MYO1D: variants seen among roughly 807,000 people sequenced by gnomAD.
MYO1D encodes the protein unconventional myosin-Id.
Under a neutral mutation model 122.0 loss-of-function variants are expected in MYO1D, and 83 were observed. That is an observed-to-expected ratio of 0.68 (90% confidence interval 0.57 to 0.82). MYO1D has a LOEUF of 0.82. Among genes scored for constraint, MYO1D ranks in the 40% least tolerant of loss-of-function variants. The pLI is 0.00. For synonymous variants in MYO1D, 464 were observed against 446.9 expected (o/e 1.04, Z -0.48); for missense variants, 1,157 against 1,269.5 (o/e 0.91, Z 1.35).
chr17:32,523,790 C>CCAA (rs764022818), intron 21 of MYO1D, among the ~76,000 whole-genome samples: 1 of 91,668 alleles, frequency 1.1e-5, no homozygotes, highest in African/African-American at 4.4e-5. Context: ...GACCCTGTCT[C>CCAA]AAAAAAAAAA....
intron 21 of MYO1D, among the ~76,000 whole-genome samples, chr17:32,590,185 G>A (rs545019700): frequency 6.6e-6 from 1 of 152,192 alleles, no homozygotes; most frequent in African/African-American, 2.4e-5. Flanking sequence ...TATTTTTCCA[G>A]TCTCATTTCT....
chr17:32,504,645 T>C (rs1909433452), intron 21 of MYO1D: 1 of 152,288 alleles, frequency 6.6e-6, no homozygotes, highest in African/African-American at 2.4e-5. Flanking sequence ...TTTCATTTTA[T>C]ACATTATTTC....
rs1260125579 is a variant in MYO1D at position 32,603,804 on chromosome 17, C to G, written c.2864+1283G>C. 2.6e-5 allele frequency among the ~76,000 whole-genome samples: 4 copies of G among 152,214 alleles called. No homozygotes were observed. The East Asian group carries it at 7.7e-4, about 29-fold the overall frequency. ...CCTCCCAAAGTGCTGGGATTACAGG[C>G]GTGAGCCACTGCGCCTGGCCACATT... is the stretch of plus-strand genomic sequence containing the variant. On this transcript the variant is annotated intron_variant, in intron 21 of 21. Coordinates refer to ENST00000318217, the MANE Select transcript of MYO1D (RefSeq NM_015194.3).
intron 1 of MYO1D, among the ~76,000 whole-genome samples, chr17:32,812,671 T>C (rs2090582315): frequency 6.6e-6 from 1 of 152,062 alleles, no homozygotes; most frequent in Admixed American, 6.5e-5. Flanking sequence ...GCCTGTGGGG[T>C]TCTGGGTAGG....
chr17:32,560,838 T>C (rs186116614), intron 21 of MYO1D, among the ~76,000 whole-genome samples: 8 of 151,562 alleles, frequency 5.3e-5, no homozygotes, highest in Admixed American at 3.3e-4. Flanking sequence ...CAGGCTGGTT[T>C]CAAATTCCCG....
chr17:32,549,633 G>T (rs1317402607), intron 21 of MYO1D, among the ~76,000 whole-genome samples: 1 of 152,144 alleles, frequency 6.6e-6, no homozygotes, highest in Non-Finnish European at 1.5e-5. Flanking sequence ...TGCTAGGAGG[G>T]TTACACTCAT....
chr17:32,753,084 T>C (rs1369748899), intron 11 of MYO1D, among the ~76,000 whole-genome samples: 2 of 152,228 alleles, frequency 1.3e-5, no homozygotes, highest in Admixed American at 6.5e-5. Context: ...AATGGAATAC[T>C]ATGCAGCCAT....
At chr17:32,639,120 A>T (rs1297074146) in intron 19 of MYO1D, among the ~76,000 whole-genome samples, 1 of 152,186 alleles carries the variant, frequency 6.6e-6, no homozygotes, top group Admixed American at 6.5e-5. Flanking sequence ...AGAATGGGAG[A>T]AAAACTTTGA....
intron 17 of MYO1D, among the ~76,000 whole-genome samples, chr17:32,656,089 C>T (rs563495763): frequency 1.2e-4 from 18 of 152,136 alleles, no homozygotes; most frequent in African/African-American, 4.1e-4. Context: ...ATGCGCTTGG[C>T]GGCACCCTAG....
At chr17:32,695,251 C>A (rs115249906) in intron 16 of MYO1D, among the ~76,000 whole-genome samples, 1 of 152,190 alleles carries the variant, frequency 6.6e-6, no homozygotes, top group Non-Finnish European at 1.5e-5. Flanking sequence ...CCCTTGCATG[C>A]GCAGTTCACC....
In MYO1D at chr17:32,857,288, C is replaced by T. The variant is rs202222233; in HGVS notation, c.95+19490G>A. 1.9e-4 allele frequency among the ~76,000 whole-genome samples: 29 copies of T among 152,206 alleles called. 1 individual carries two copies. In the East Asian group the frequency reaches 4.6e-3, roughly 24 times the overall value. ...GTAATGAATTTAAGGCAGAGCTAAT[C>T]CTTTAAGAATCCTTTGGCCGGGCAC... On this transcript the variant is annotated intron_variant, in intron 1 of 21. Transcript: ENST00000318217.
intron 16 of MYO1D, among the ~76,000 whole-genome samples, chr17:32,702,895 C>T (rs2089265412): frequency 6.6e-6 from 1 of 152,128 alleles, no homozygotes; most frequent in South Asian, 2.1e-4. Context: ...AAACTCATAG[C>T]ATGGAACATG....
chr17:32,565,344 A>G (rs2087162932), intron 21 of MYO1D, among the ~76,000 whole-genome samples: 3 of 152,172 alleles, frequency 2.0e-5, no homozygotes. Context: ...CTCCTTTAAG[A>G]TAGGGTTCTT....
intron 16 of MYO1D, among the ~76,000 whole-genome samples, chr17:32,710,466 G>A (rs918581448): frequency 1.3e-5 from 2 of 152,094 alleles, no homozygotes; most frequent in African/African-American, 2.4e-5. Context: ...AGACCTAAAT[G>A]TGAAAGGTAA....
Position 32,745,290 on chromosome 17 carries a change from CA to C in MYO1D, c.1539-6del. ...ATAAAACCAATGACAGAATAGCTAA[CA>C]GGGAAAAATCACAGAAAACATGTAT... On this transcript the variant is annotated splice_polypyrimidine_tract_variant and splice_region_variant and intron_variant, in intron 12 of 21. Transcript: ENST00000318217. 6.6e-7 allele frequency: 1 copy of C among 1,525,852 alleles called. No individual in the cohort carries two copies. Among genetic ancestry groups the C allele is most frequent in the African/African-American group, 1.4e-5 (1 of 72,018 alleles). 94.5% of individuals were successfully genotyped at this position (1,525,852 alleles called of 1,614,324 possible). A position where few individuals can be genotyped will look rare whatever the true frequency, so the allele number is the denominator to read the frequency against.
chr17:32,521,394 T>A (rs941497163), intron 21 of MYO1D, among the ~76,000 whole-genome samples: 2 of 152,214 alleles, frequency 1.3e-5, no homozygotes, highest in African/African-American at 2.4e-5. Flanking sequence ...GCAGACTTCA[T>A]GTGATGAAGG....
At chr17:32,601,203 T>G (rs2087558602) in intron 21 of MYO1D, among the ~76,000 whole-genome samples, 1 of 152,178 alleles carries the variant, frequency 6.6e-6, no homozygotes, top group Non-Finnish European at 1.5e-5. Flanking sequence ...CCCAAAGTGC[T>G]GGGGTCGCAG....
At chr17:32,796,285 C>T (rs1340642093) in intron 1 of MYO1D, among the ~76,000 whole-genome samples, 1 of 152,178 alleles carries the variant, frequency 6.6e-6, no homozygotes, top group Non-Finnish European at 1.5e-5. Flanking sequence ...TATAAATCAA[C>T]ACTGCTCAGG....
chr17:32,823,658 AAGTTAT>A (rs1285007095), intron 1 of MYO1D, among the ~76,000 whole-genome samples: 1 of 152,184 alleles, frequency 6.6e-6, no homozygotes, highest in Non-Finnish European at 1.5e-5. Context: ...AGGGAATGTA[AAGTTAT>A]AGTTATAAAA....
Sources: gnomAD v4.1 joint callset for allele counts (sites outside exome capture counted in the v4.1 genomes callset) on GRCh38, gnomAD v4.1.1 for gene constraint, MANE v1.5 for transcripts, NCBI Gene and HGNC (gene_info 2026-07-23, HGNC 2026-07-21) for gene names.